Variants in SRGAP1 observed in about 807,000 individuals in gnomAD.
SRGAP1 encodes the protein SLIT-ROBO Rho GTPase-activating protein 1.
In SRGAP1, 43 loss-of-function variants were observed where a neutral mutation model predicts 121.9. The ratio of observed to expected loss-of-function variants is 0.35; its 90% CI spans 0.28 to 0.46. The LOEUF is 0.46. SRGAP1 is among the 20% of genes least tolerant of loss of function. The pLI is 1.00. For synonymous variants in SRGAP1, 447 were observed against 485.4 expected (o/e 0.92, Z 1.04); for missense variants, 1,102 against 1,350.9 (o/e 0.82, Z 2.89).
chr12:63,881,064 AC>A (rs1164654927), intron 1 of SRGAP1, among the ~76,000 whole-genome samples: 2 of 152,176 alleles, frequency 1.3e-5, no homozygotes, highest in Admixed American at 1.3e-4. Flanking sequence ...ACCCAAGAGA[AC>A]ATGCACAGTA....
rs2037181826 is a variant in SRGAP1 at position 64,158,362 on chromosome 12, G to A, written c.*15690G>A. On this transcript the variant is annotated 3_prime_UTR_variant, in exon 22 of 22. Transcript: ENST00000355086. Reference sequence around the variant, plus strand: ...GCAACTTCATGGATTGTGATTTCAAGTATATGAAAAGTTTAAGACCCAATT... The same window carrying A: ...GCAACTTCATGGATTGTGATTTCAAATATATGAAAAGTTTAAGACCCAATT... The A allele has an allele frequency of 6.6e-6, 1 of 152,198 alleles. No individual in the cohort carries two copies. Among genetic ancestry groups the A allele is most frequent in the Admixed American group, 6.5e-5 (1 of 15,276 alleles). 9.4% of individuals were successfully genotyped at this position (152,198 alleles called of 1,614,324 possible).
chr12:64,111,766 T>C lies in SRGAP1; in HGVS notation c.1924T>C (p.Ser642Pro), dbSNP rs2036433539. ...CTTTCTTGTTTCCTTTTGTAGTCTATCACAGTACAGCGATGAGAATATGAT... is the reference window on the plus strand; with the variant it reads ...CTTTCTTGTTTCCTTTTGTAGTCTACCACAGTACAGCGATGAGAATATGAT... ...RYLFAFLNHL[S>P]QYSDENMMDP... The change falls in exon 17 of 22, where the codon TCA becomes CCA. Residue 642 changes from serine to proline, a missense_variant. Around this residue, in one of 3 missense-constraint regions of SRGAP1, gnomAD observed 747 missense variants for 929.4 expected, o/e 0.80. Transcript: ENST00000355086. 2 of 1,602,922 alleles carry C rather than the reference T, an allele frequency of 1.2e-6. No individual in the cohort carries two copies. Among genetic ancestry groups the C allele is most frequent in the Non-Finnish European group, 1.7e-6 (2 of 1,171,984 alleles).
In SRGAP1 at chr12:64,115,878, C is replaced by T. The variant is rs1241012423; in HGVS notation, c.2209C>T (p.His737Tyr). 2 of 1,612,800 alleles carry T rather than the reference C, an allele frequency of 1.2e-6. No homozygotes were observed. Among genetic ancestry groups the T allele is most frequent in the South Asian group, 1.1e-5 (1 of 90,812 alleles). ...EVDQDAGTEP[H>Y]TSEDECEPIE... Reference sequence around the variant, plus strand: ...GGACCAAGATGCTGGTACAGAGCCCCACACAAGTGAAGATGGTATGCTCTC... The same window carrying T: ...GGACCAAGATGCTGGTACAGAGCCCTACACAAGTGAAGATGGTATGCTCTC... Residue 737 changes from histidine (H) to tyrosine (Y), a missense_variant, in exon 18 of 22, where the codon CAC becomes TAC. Coordinates refer to ENST00000355086, the MANE Select transcript of SRGAP1 (RefSeq NM_020762.4).
intron 18 of SRGAP1, among the ~76,000 whole-genome samples, chr12:64,117,766 C>T (rs1385813228): frequency 6.6e-6 from 1 of 152,136 alleles, no homozygotes; most frequent in Non-Finnish European, 1.5e-5. Flanking sequence ...TTTCCCGCTT[C>T]CCCCAGCCTC....
chr12:63,979,320 G>A (rs1342059122), intron 1 of SRGAP1, among the ~76,000 whole-genome samples: 1 of 152,108 alleles, frequency 6.6e-6, no homozygotes, highest in Non-Finnish European at 1.5e-5. Flanking sequence ...TTACAGGCGT[G>A]AGCCACCGCA....
intron 18 of SRGAP1, among the ~76,000 whole-genome samples, chr12:64,117,057 G>A (rs2036534595): frequency 6.6e-6 from 1 of 152,176 alleles, no homozygotes. Flanking sequence ...CCGAGAATAG[G>A]GCAGCAGTGG....
At chr12:64,141,174 A>T (rs2036952346) in intron 21 of SRGAP1, among the ~76,000 whole-genome samples, 1 of 147,786 alleles carries the variant, frequency 6.8e-6, no homozygotes, top group East Asian at 2.0e-4. Context: ...CTAATGCTAG[A>T]TGATGAGTTA....
At chr12:63,991,199 GCCTGTACCTATA>G (rs1341781425) in intron 3 of SRGAP1, among the ~76,000 whole-genome samples, 1 of 152,178 alleles carries the variant, frequency 6.6e-6, no homozygotes, top group African/African-American at 2.4e-5. Context: ...GAATGTTGAT[GCCTGTACCTATA>G]CCTGTACCTC....
intron 3 of SRGAP1, among the ~76,000 whole-genome samples, chr12:64,009,772 C>T (rs1482469024): frequency 1.3e-5 from 2 of 152,066 alleles, no homozygotes; most frequent in Admixed American, 1.3e-4. Context: ...GTTTTTACCC[C>T]TTTAGGGTAA....
intron 18 of SRGAP1, among the ~76,000 whole-genome samples, chr12:64,119,454 A>G (rs2036570755): frequency 6.6e-6 from 1 of 152,162 alleles, no homozygotes; most frequent in African/African-American, 2.4e-5. Context: ...AATTCTACCT[A>G]TATTAATATG....
chr12:64,091,253 G>A (rs759573221), intron 11 of SRGAP1, 23 bp from the exon 12 acceptor site: 2 of 1,505,436 alleles, frequency 1.3e-6, no homozygotes, highest in Non-Finnish European at 1.8e-6. Flanking sequence ...GCCATGCTCA[G>A]TAATTATATT....
At chr12:64,041,900 T>TATC (rs1345179745) in intron 4 of SRGAP1, among the ~76,000 whole-genome samples, 2 of 146,528 alleles carry the variant, frequency 1.4e-5, no homozygotes, top group Non-Finnish European at 3.0e-5. Context: ...TTATTATTAT[T>TATC]ATTATTATTA....
intron 3 of SRGAP1, among the ~76,000 whole-genome samples, chr12:64,000,970 T>C (rs74097507): frequency 0.026 from 4,026 of 152,138 alleles, 200 homozygotes; most frequent in African/African-American, 0.092. Context: ...AAAAGAAATA[T>C]GATATGAAAA....
At chr12:63,915,421 A>G (rs111803993) in intron 1 of SRGAP1, among the ~76,000 whole-genome samples, 4,667 of 152,342 alleles carry the variant, frequency 0.031, 120 homozygotes, top group African/African-American at 0.072. Flanking sequence ...GCATTTCCAG[A>G]GGAACCAAAA....
At chr12:63,969,810 A>C (rs1178885950) in intron 1 of SRGAP1, among the ~76,000 whole-genome samples, 1 of 151,920 alleles carries the variant, frequency 6.6e-6, no homozygotes, top group Non-Finnish European at 1.5e-5. Flanking sequence ...AAAAAAAAAA[A>C]AACTAAAAAA....
At position 64,097,238 on chromosome 12, in the gene SRGAP1, TAGGTGAAAATCC is replaced by T; in HGVS notation, c.1679-2_1688del. The T allele has an allele frequency of 1.3e-6, 2 of 1,567,982 alleles. No homozygotes were observed. Among genetic ancestry groups the T allele is most frequent in the Non-Finnish European group, 1.7e-6 (2 of 1,168,268 alleles). ...ATGTAATGAGTTTTTTTTTTTTTTT[TAGGTGAAAATCC>T]TTTGGCTGATGACCAGAGTAACCAT... On this transcript the variant is annotated splice_acceptor_variant and coding_sequence_variant, in exon 15 of 22. Transcript: ENST00000355086. LOFTEE classifies it high-confidence loss of function.
chr12:63,941,931 T>A (rs2031882388), intron 1 of SRGAP1, among the ~76,000 whole-genome samples: 2 of 152,098 alleles, frequency 1.3e-5, no homozygotes, highest in Non-Finnish European at 2.9e-5. Context: ...GGTTTGGAAA[T>A]CAGAAGTTCC....
At chr12:63,949,585 G>T (rs1287181354) in intron 1 of SRGAP1, among the ~76,000 whole-genome samples, 1 of 151,620 alleles carries the variant, frequency 6.6e-6, no homozygotes, top group African/African-American at 2.4e-5. Context: ...CTGCCACCAC[G>T]TCCAGCTAAT....
In SRGAP1 at chr12:64,080,375, G is replaced by A. The variant is rs1205340184; in HGVS notation, c.1408+5G>A. 4.3e-6 allele frequency: 7 copies of A among 1,609,988 alleles called. No homozygotes were observed. Among genetic ancestry groups the A allele is most frequent in the Non-Finnish European group, 5.9e-6 (7 of 1,176,642 alleles). ...TGCAGAGGACCCTGGGAGAAGGTGA[G>A]TTATCCAAAATGTATGGGAAGATGA... On this transcript the variant is annotated splice_donor_5th_base_variant and intron_variant, in intron 10 of 21. Coordinates refer to ENST00000355086, the MANE Select transcript of SRGAP1 (RefSeq NM_020762.4).
Sources: allele counts gnomAD v4.1 joint callset (sites outside exome capture counted in the v4.1 genomes callset), GRCh38; gene constraint gnomAD v4.1.1; regional missense constraint gnomAD v4.1.1; transcripts MANE v1.5; gene names NCBI Gene and HGNC (gene_info 2026-07-23, HGNC 2026-07-21).